LDHD: variants seen among roughly 807,000 people sequenced by gnomAD.
LDHD encodes lactate dehydrogenase D.
LDHD carries 58 observed loss-of-function variants against 52.9 expected under a neutral mutation model. The ratio of observed to expected loss-of-function variants is 1.10; its 90% CI spans 0.89 to 1.36. The LOEUF (loss-of-function observed/expected upper bound fraction) is 1.36, where lower values mean the gene tolerates loss of function less well. Ranked by LOEUF, LDHD falls within the 40% of genes most tolerant of loss-of-function variation. LDHD has a pLI of 0.00. For synonymous variants in LDHD, 350 were observed against 288.6 expected (o/e 1.21, Z -2.16); for missense variants, 747 against 668.0 (o/e 1.12, Z -1.30).
chr16:75,112,483 T>G lies in LDHD; in HGVS notation c.1328A>C (p.His443Pro). 6.2e-7 allele frequency: 1 copy of G among 1,613,416 alleles called. No homozygotes were observed. Among genetic ancestry groups the G allele is most frequent in the Non-Finnish European group, 8.5e-7 (1 of 1,180,006 alleles). Reference sequence around the variant, plus strand: ...CTGCCGCTTGCCCATTCCGATGCCATGCTCCCCCGTGCACGTTCCGTGGAG... The same window carrying G: ...CTGCCGCTTGCCCATTCCGATGCCAGGCTCCCCCGTGCACGTTCCGTGGAG... ...LALHGTCTGEHGIGMGKRQLL... is the reference protein window; with the variant it reads ...LALHGTCTGEPGIGMGKRQLL... The change falls in exon 11 of 11, where the codon CAT becomes CCT. Residue 443 changes from histidine (H) to proline (P), a missense_variant. Transcript: ENST00000450168.
chr16:75,114,227 A>C (rs1226411264), intron 5 of LDHD, 62 bp from the exon 6 acceptor site: 1 of 1,595,276 alleles, frequency 6.3e-7, no homozygotes, highest in Non-Finnish European at 8.5e-7. Context: ...TCTGGCCAGA[A>C]GCCGAAGCTG....
rs1435103603 is a variant in LDHD, at chr16:75,114,629, T to G, written c.526A>C (p.Asn176His). The G allele has an allele frequency of 1.3e-6, 2 of 1,532,924 alleles. No homozygotes were observed. Among genetic ancestry groups the G allele is most frequent in the African/African-American group, 2.7e-5 (2 of 72,926 alleles). The allele number at this position is 1,532,924 out of a possible 1,614,324, so 95.0% of individuals were successfully genotyped here. A position where few individuals can be genotyped will look rare whatever the true frequency, so the allele number is the denominator to read the frequency against. Residue 176 changes from asparagine to histidine, a missense_variant, in exon 5 of 11, where the codon AAC becomes CAC. Transcript: ENST00000450168. ...CGCATGGTGCCGTAGCGGACCGCGT[T>G]GGTCCCCGACGCCCCGGTGGCCGCC... Reference protein sequence around the residue: ...GMAATGASGTNAVRYGTMRDN... With the variant: ...GMAATGASGTHAVRYGTMRDN...
chr16:75,113,562 T>G lies in LDHD; in HGVS notation c.1059A>C (p.Ala353=). 6.2e-7 allele frequency: 1 copy of G among 1,612,534 alleles called. No homozygotes were observed. The part of the protein sequence containing the change: ...LWTARHNAWY[A]ALATRPGCKG... ...TGCAGCCTGGCCGCGTGGCCAGGGC[T>G]GCGTACCAGGCATTGTGCCGTGCTG... is the stretch of plus-strand genomic sequence containing the variant. Residue 353 remains alanine (A), a synonymous_variant, in exon 8 of 11, where the codon GCA becomes GCC. Transcript: ENST00000450168.
Position 75,116,685 on chromosome 16 carries a change from C to A in LDHD, c.36G>T (p.Leu12=), listed in dbSNP as rs1485682505. Residue 12 remains leucine (L), a synonymous_variant, in exon 1 of 11, where the codon CTG becomes CTT. Coordinates refer to ENST00000450168, the MANE Select transcript of LDHD (RefSeq NM_194436.3). ...ARLLRSATWE[L]FPWRGYCSQK... Reference sequence around the variant, plus strand: ...GGGAGCAGTAGCCCCTCCAGGGGAACAGCTCCCAGGTTGCAGACCTGAGCA... The same window carrying A: ...GGGAGCAGTAGCCCCTCCAGGGGAAAAGCTCCCAGGTTGCAGACCTGAGCA... 6.2e-7 allele frequency: 1 copy of A among 1,603,712 alleles called. No homozygotes were observed. The highest frequency in any genetic ancestry group is 1.7e-5 in the Admixed American group (1 of 58,292).
rs75972961 is a variant in LDHD at position 75,116,489 on chromosome 16, C to T, written c.72+160G>A. The T allele has an allele frequency of 2.5e-3, 1,487 of 599,660 alleles. 13 individuals carry two copies. The African/African-American group carries it at 0.026, about 11-fold the overall frequency. The allele number at this position is 599,660 out of a possible 1,614,324, so 37.1% of individuals were successfully genotyped here. A position where few individuals can be genotyped will look rare whatever the true frequency, so the allele number is the denominator to read the frequency against. On this transcript the variant is annotated intron_variant, in intron 1 of 10. Coordinates refer to ENST00000450168, the MANE Select transcript of LDHD (RefSeq NM_194436.3). ...GGGACTCAGCTGATCTCACTCTACACCCACCCACAGTTGCCACAGGGTAAG... is the reference window on the plus strand; with the variant it reads ...GGGACTCAGCTGATCTCACTCTACATCCACCCACAGTTGCCACAGGGTAAG...
At position 75,113,782 on chromosome 16, in the gene LDHD, A is replaced by G. The variant is rs752839510; in HGVS notation, c.918T>C (p.His306=). 1.4e-5 allele frequency: 23 copies of G among 1,613,856 alleles called. No individual in the cohort carries two copies. The Admixed American group carries it at 3.2e-4, about 22-fold the overall frequency. ...LVAPTLFLEF[H]GSQQALEEQL... The stretch of plus-strand genomic sequence containing the variant: ...GCTCCTCCAGTGCCTGCTGGGAGCC[A>G]TGGAACTCCAGGAAGAGTGTGGGCG... Residue 306 remains histidine, a synonymous_variant, in exon 7 of 11, where the codon CAT becomes CAC. Transcript: ENST00000450168.
chr16:75,114,937 T>G lies in LDHD; in HGVS notation c.359A>C (p.Asp120Ala). 28 of 1,613,578 alleles carry G rather than the reference T, an allele frequency of 1.7e-5. No individual in the cohort carries two copies. The highest frequency in any genetic ancestry group is 2.3e-5 in the Non-Finnish European group (27 of 1,179,852). Residue 120 changes from aspartate to alanine, a missense_variant, in exon 4 of 11, where the codon GAC (aspartate) becomes GCC (alanine). Transcript: ENST00000450168. ...GGVCVNLTHMDRILELNQEDF... is the reference protein window; with the variant it reads ...GGVCVNLTHMARILELNQEDF... ...CTCCTGGTTCAGCTCCAGGATTCGG[T>G]CCATATGCGTCAGGTTAACGCAGAC...
In LDHD at chr16:75,114,854, G is replaced by A. The variant is rs773460933; in HGVS notation, c.442C>T (p.Arg148Trp). The A allele has an allele frequency of 6.8e-6, 11 of 1,613,750 alleles. No individual in the cohort carries two copies. The Admixed American group carries it at 1.5e-4, about 22-fold the overall frequency. The change falls in exon 4 of 11, where the codon CGG (arginine) becomes TGG (tryptophan). Residue 148 changes from arginine to tryptophan, a missense_variant. Arg to Trp is a moderately radical substitution (Grantham distance 101). Coordinates refer to ENST00000450168, the MANE Select transcript of LDHD (RefSeq NM_194436.3). ...VTRKALNAHL[R>W]DSGLWFPVDP... ...ACGGGAAACCAGAGGCCGCTGTCCC[G>A]CAGGTGGGCGTTGAGGGCTTTGCGG...
intron 1 of LDHD, 135 bp downstream of exon 1, chr16:75,116,514 G>C (rs1567505702): frequency 2.8e-6 from 2 of 704,448 alleles, no homozygotes; most frequent in Non-Finnish European, 4.9e-6. Flanking sequence ...CACAGGGTAA[G>C]CCCAGTGCCC....
chr16:75,113,936 C>T, intron 6 of LDHD, 30 bp downstream of exon 6: 1 of 1,606,816 alleles, frequency 6.2e-7, no homozygotes, highest in South Asian at 1.1e-5. Context: ...TCCAGGGAGC[C>T]CACCCTGACT....
Position 75,112,259 on chromosome 16 carries a change from TC to T in LDHD, c.*96del. ...TGGGCTCGCTGGCAGGAAGACTGCC[TC>T]AGCATCTATTTCCTTGCAGGGGCCG... On this transcript the variant is annotated 3_prime_UTR_variant, in exon 11 of 11. Transcript: ENST00000450168. 1 of 1,404,006 alleles carries T rather than the reference TC, an allele frequency of 7.1e-7. No homozygotes were observed. Among genetic ancestry groups the T allele is most frequent in the Non-Finnish European group, 9.7e-7 (1 of 1,026,484 alleles). The allele number at this position is 1,404,006 out of a possible 1,614,324, so 87.0% of individuals were successfully genotyped here. A position where few individuals can be genotyped will look rare whatever the true frequency, so the allele number is the denominator to read the frequency against.
At position 75,114,677 on chromosome 16, in the gene LDHD, C is replaced by T. The variant is rs987750979; in HGVS notation, c.478G>A (p.Ala160Thr). The change falls in exon 5 of 11, where the codon GCG becomes ACG. Residue 160 changes from alanine (A) to threonine (T), a missense_variant. Physicochemically the swap from Ala to Thr is moderately conservative, Grantham distance 58. Coordinates refer to ENST00000450168, the MANE Select transcript of LDHD (RefSeq NM_194436.3). ...SGLWFPVDPG[A>T]DASLCGMAAT... is the part of the protein sequence containing the mutation. Reference sequence around the variant, plus strand: ...GCCATGCCACAGAGAGAGGCGTCCGCGCCTGGGTCTGGAGGGCGGCGTACA... The same window carrying T: ...GCCATGCCACAGAGAGAGGCGTCCGTGCCTGGGTCTGGAGGGCGGCGTACA... 2.0e-6 allele frequency: 3 copies of T among 1,534,464 alleles called. No homozygotes were observed. The highest frequency in any genetic ancestry group is 4.0e-5 in the Admixed American group (2 of 50,408).
Position 75,112,242 on chromosome 16 carries a change from C to T in LDHD, c.*114G>A. Reference sequence around the variant, plus strand: ...CTTGGGCCCAGATACAGTGGGCTCGCTGGCAGGAAGACTGCCTCAGCATCT... The same window carrying T: ...CTTGGGCCCAGATACAGTGGGCTCGTTGGCAGGAAGACTGCCTCAGCATCT... On this transcript the variant is annotated 3_prime_UTR_variant, in exon 11 of 11. Transcript: ENST00000450168. 1 of 1,303,594 alleles carries T rather than the reference C, an allele frequency of 7.7e-7. No individual in the cohort carries two copies. The highest frequency in any genetic ancestry group is 1.1e-6 in the Non-Finnish European group (1 of 946,302). The allele number at this position is 1,303,594 out of a possible 1,614,324, so 80.8% of individuals were successfully genotyped here. A position where few individuals can be genotyped will look rare whatever the true frequency, so the allele number is the denominator to read the frequency against.
chr16:75,113,792 A>G lies in LDHD; in HGVS notation c.908T>C (p.Leu303Pro), dbSNP rs764695349. The G allele has an allele frequency of 2.5e-6, 4 of 1,614,040 alleles. No individual in the cohort carries two copies. The highest frequency in any genetic ancestry group is 3.4e-6 in the Non-Finnish European group (4 of 1,180,016). The change falls in exon 7 of 11, where the codon CTG becomes CCG. Residue 303 changes from leucine to proline, a missense_variant. Physicochemically the swap from Leu to Pro is moderately conservative, Grantham distance 98. Coordinates refer to ENST00000450168, the MANE Select transcript of LDHD (RefSeq NM_194436.3). ...LNCLVAPTLF[L>P]EFHGSQQALE... is the part of the protein sequence containing the mutation. ...TGCCTGCTGGGAGCCATGGAACTCC[A>G]GGAAGAGTGTGGGCGCCACTAAGCA...
intron 5 of LDHD, 142 bp downstream of exon 5, chr16:75,114,383 TG>T: frequency 1.5e-6 from 2 of 1,367,818 alleles, no homozygotes; most frequent in Non-Finnish European, 2.0e-6. Context: ...TTGGCCCAGC[TG>T]ACAGGGCTTC....
At position 75,112,327 on chromosome 16, in the gene LDHD, A is replaced by T. The variant is rs1481171664; in HGVS notation, c.*29T>A. Reference sequence around the variant, plus strand: ...TCCAGAACCGGCTCCGTAGTCAGGGAACTTGTGGGCTAAGTGCTCAGACCC... The same window carrying T: ...TCCAGAACCGGCTCCGTAGTCAGGGTACTTGTGGGCTAAGTGCTCAGACCC... On this transcript the variant is annotated 3_prime_UTR_variant, in exon 11 of 11. Coordinates refer to ENST00000450168, the MANE Select transcript of LDHD (RefSeq NM_194436.3). The T allele has an allele frequency of 6.3e-7, 1 of 1,578,800 alleles. No individual in the cohort carries two copies. Among genetic ancestry groups the T allele is most frequent in the South Asian group, 1.1e-5 (1 of 88,590 alleles).
chr16:75,113,869 C>T lies in LDHD; in HGVS notation c.831G>A (p.Glu277=). Residue 277 remains glutamate (E), a splice_region_variant and synonymous_variant, in exon 7 of 11, where the codon GAG becomes GAA. Coordinates refer to ENST00000450168, the MANE Select transcript of LDHD (RefSeq NM_194436.3). ...CATCCATCATGACTTCATCCAGGAA[C>T]TCTGGATCCAGGGAGATGGCAGGCC... is the stretch of plus-strand genomic sequence containing the variant. ...LQAAVPVARI[E]FLDEVMMDAC... 1.2e-6 allele frequency: 2 copies of T among 1,613,958 alleles called. No homozygotes were observed. The highest frequency in any genetic ancestry group is 1.7e-6 in the Non-Finnish European group (2 of 1,180,014).
Position 75,113,843 on chromosome 16 carries a change from G to A in LDHD, c.857C>T (p.Ala286Val). ...ATTCAGCTTGCTGTACCTGTTGCAGGCATCCATCATGACTTCATCCAGGAA... is the reference window on the plus strand; with the variant it reads ...ATTCAGCTTGCTGTACCTGTTGCAGACATCCATCATGACTTCATCCAGGAA... ...IEFLDEVMMD[A>V]CNRYSKLNCL... is the part of the protein sequence containing the mutation. Residue 286 changes from alanine to valine, a missense_variant, in exon 7 of 11, where the codon GCC becomes GTC. Ala to Val is a moderately conservative substitution (Grantham distance 64). Coordinates refer to ENST00000450168, the MANE Select transcript of LDHD (RefSeq NM_194436.3). 6.2e-7 allele frequency: 1 copy of A among 1,614,042 alleles called. No individual in the cohort carries two copies. The highest frequency in any genetic ancestry group is 8.5e-7 in the Non-Finnish European group (1 of 1,180,018).
intron 8 of LDHD, among the ~76,000 whole-genome samples, chr16:75,113,290 C>T (rs181344101): frequency 3.9e-5 from 6 of 152,340 alleles, no homozygotes; most frequent in Admixed American, 1.3e-4. Context: ...AGCACCGCAC[C>T]GTTCCCATGA....
Sources: gnomAD v4.1 joint callset for allele counts (sites outside exome capture counted in the v4.1 genomes callset) on GRCh38, gnomAD v4.1.1 for gene constraint, MANE v1.5 for transcripts, NCBI Gene and HGNC (gene_info 2026-07-23, HGNC 2026-07-21) for gene names.